Variants in NALCN observed in about 807,000 individuals in gnomAD.
The protein encoded by NALCN is sodium leak channel, non-selective, also known as sodium leak channel NALCN.
NALCN carries 111 observed loss-of-function variants against 225.3 expected under a neutral mutation model. The observed-to-expected ratio is 0.49, with a 90% CI of 0.42 to 0.58. The LOEUF is 0.58. Ranked by LOEUF, NALCN falls within the 20% of genes least tolerant of loss-of-function variation. NALCN has a pLI of 0.00. For missense variants in NALCN, 1,378 were observed against 2,202.4 expected (o/e 0.63, Z 7.49); for synonymous variants, 764 against 769.0 (o/e 0.99, Z 0.11).
chr13:101,206,443 T>G (rs1415307069), intron 13 of NALCN, among the ~76,000 whole-genome samples: 1 of 152,066 alleles, frequency 6.6e-6, no homozygotes, highest in Non-Finnish European at 1.5e-5. Context: ...TTATTTTACT[T>G]TAATAAAATA....
intron 7 of NALCN, among the ~76,000 whole-genome samples, chr13:101,313,031 A>T (rs1206475630): frequency 1.3e-5 from 2 of 152,206 alleles, no homozygotes; most frequent in Non-Finnish European, 2.9e-5. Context: ...AATGCCACAT[A>T]TCTACAACCA....
At chr13:101,397,897 C>T (rs989198876) in intron 2 of NALCN, among the ~76,000 whole-genome samples, 1 of 152,082 alleles carries the variant, frequency 6.6e-6, no homozygotes, top group Non-Finnish European at 1.5e-5. Flanking sequence ...GGTGACATCT[C>T]ATCCAGTCCT....
chr13:101,263,539 A>G (rs2042501044), intron 10 of NALCN, among the ~76,000 whole-genome samples: 1 of 152,132 alleles, frequency 6.6e-6, no homozygotes, highest in African/African-American at 2.4e-5. Context: ...TCTTAAGTAA[A>G]CTGTTATTAC....
Position 101,390,676 on chromosome 13 carries a change from A to G in NALCN, c.291+4507T>C, listed in dbSNP as rs543644738. Among the ~76,000 whole-genome samples, 260 of 152,266 alleles carry G rather than the reference A, an allele frequency of 1.7e-3. 1 individual carries two copies. The highest frequency in any genetic ancestry group is 6.0e-3 in the African/African-American group (248 of 41,566). On this transcript the variant is annotated intron_variant, in intron 3 of 43. Coordinates refer to ENST00000251127, the MANE Select transcript of NALCN (RefSeq NM_052867.4). ...AGCAAGCCACTTCGAGGGAAAAAAA[A>G]ACATTCTCAGCAGTAACATTTTATG...
chr13:101,269,927 G>C (rs937393534), intron 10 of NALCN, among the ~76,000 whole-genome samples: 1 of 152,094 alleles, frequency 6.6e-6, no homozygotes, highest in Non-Finnish European at 1.5e-5. Flanking sequence ...TACTTGGCTG[G>C]ACATAGGTAA....
chr13:101,164,471 G>A (rs953510393), intron 15 of NALCN, among the ~76,000 whole-genome samples: 9 of 152,130 alleles, frequency 5.9e-5, no homozygotes, highest in African/African-American at 1.9e-4. Context: ...TTTATTTTTT[G>A]TAGAGATGAG....
intron 15 of NALCN, among the ~76,000 whole-genome samples, chr13:101,163,086 A>AT (rs2038264653): frequency 6.6e-6 from 1 of 152,078 alleles, no homozygotes; most frequent in Admixed American, 6.6e-5. Flanking sequence ...TATTTTTAGT[A>AT]GAGATAGGGT....
rs529356175 is a variant in NALCN, at chr13:101,104,433, C to T, written c.2758-7G>A. On this transcript the variant is annotated splice_polypyrimidine_tract_variant and splice_region_variant and intron_variant, in intron 24 of 43. Coordinates refer to ENST00000251127, the MANE Select transcript of NALCN (RefSeq NM_052867.4). This position sits in a 1 kb window ranked among gnomAD's most constrained non-coding sequence, Gnocchi z 4.2. ...CAAACACATACTCAGCAATCTGAAA[C>T]GGGCAAAAGGCAGTTTGGTTACAAT... is the stretch of plus-strand genomic sequence containing the variant. The T allele has an allele frequency of 5.8e-5, 94 of 1,612,410 alleles. 1 individual carries two copies. Among genetic ancestry groups the T allele is most frequent in the African/African-American group, 3.9e-4 (29 of 74,976 alleles).
chr13:101,348,681 G>C (rs1299903711), intron 6 of NALCN, among the ~76,000 whole-genome samples: 1 of 150,758 alleles, frequency 6.6e-6, no homozygotes, highest in Non-Finnish European at 1.5e-5. Context: ...TTTCATATTA[G>C]TGCTGATACT....
chr13:101,131,648 G>A (rs1386123613), intron 17 of NALCN, among the ~76,000 whole-genome samples: 1 of 152,118 alleles, frequency 6.6e-6, no homozygotes, highest in Non-Finnish European at 1.5e-5. Context: ...ACCATTCCAT[G>A]AACATTGGAC....
chr13:101,315,347 C>T (rs961662003), intron 7 of NALCN, among the ~76,000 whole-genome samples: 1 of 152,062 alleles, frequency 6.6e-6, no homozygotes, highest in East Asian at 1.9e-4. Flanking sequence ...GATTTCTTTT[C>T]CTTCTTAAAA....
At chr13:101,180,299 G>A (rs1241718037) in intron 14 of NALCN, 1 of 146,396 alleles carries the variant, frequency 6.8e-6, no homozygotes, top group Non-Finnish European at 1.5e-5. Flanking sequence ...TCCACCTCAT[G>A]GGCTCAAGCG....
chr13:101,152,014 C>T (rs1285014629), intron 15 of NALCN, among the ~76,000 whole-genome samples: 3 of 152,228 alleles, frequency 2.0e-5, no homozygotes, highest in South Asian at 4.1e-4. Flanking sequence ...AGTTTTCAAA[C>T]GTTTCATCAA....
At chr13:101,164,394 T>A (rs1390371035) in intron 15 of NALCN, among the ~76,000 whole-genome samples, 1 of 152,190 alleles carries the variant, frequency 6.6e-6, no homozygotes, top group Admixed American at 6.5e-5. Flanking sequence ...CAGGCTCAAG[T>A]GATTCTCCTA....
At chr13:101,183,001 C>T (rs750384240) in intron 14 of NALCN, among the ~76,000 whole-genome samples, 1 of 152,204 alleles carries the variant, frequency 6.6e-6, no homozygotes, top group Non-Finnish European at 1.5e-5. Flanking sequence ...ACTGAAAGAG[C>T]AGGTCGACCT....
chr13:101,381,992 G>A (rs567345943), intron 3 of NALCN, among the ~76,000 whole-genome samples: 2 of 152,206 alleles, frequency 1.3e-5, no homozygotes, highest in South Asian at 4.2e-4. Context: ...GTTAAAATTG[G>A]AGCAATGAAT....
chr13:101,386,471 G>A (rs1029298342), intron 3 of NALCN, among the ~76,000 whole-genome samples: 2 of 152,062 alleles, frequency 1.3e-5, no homozygotes, highest in African/African-American at 4.8e-5. Context: ...TTCAATAAAT[G>A]GTTGCTGGAT....
At chr13:101,135,132 T>C (rs1183579289) in intron 17 of NALCN, among the ~76,000 whole-genome samples, 1 of 152,134 alleles carries the variant, frequency 6.6e-6, no homozygotes, top group African/African-American at 2.4e-5. Context: ...GAGGCGGAGC[T>C]TGCAGTGAGC....
chr13:101,157,346 TAAAACA>T (rs2037954505), intron 15 of NALCN, among the ~76,000 whole-genome samples: 1 of 152,128 alleles, frequency 6.6e-6, no homozygotes, highest in African/African-American at 2.4e-5. Flanking sequence ...CATTCTCCAA[TAAAACA>T]AATCAGCACT....
Sources: allele counts gnomAD v4.1 joint callset (sites outside exome capture counted in the v4.1 genomes callset), GRCh38; gene constraint gnomAD v4.1.1; non-coding constraint Gnocchi (gnomAD v3.1); transcripts MANE v1.5; gene names NCBI Gene and HGNC (gene_info 2026-07-23, HGNC 2026-07-21).